Variants in NEK10 observed in about 807,000 individuals in gnomAD.
NEK10 encodes the protein serine/threonine-protein kinase Nek10.
Under a neutral mutation model 159.8 loss-of-function variants are expected in NEK10, and 122 were observed. The ratio of observed to expected loss-of-function variants is 0.76; its 90% CI spans 0.66 to 0.89. NEK10 has a LOEUF of 0.89. NEK10 is among the 40% of genes least tolerant of loss of function. The pLI, the probability that NEK10 is intolerant of heterozygous loss-of-function variation, is 0.00. For missense variants in NEK10, 1,342 were observed against 1,323.1 expected, an observed-to-expected ratio of 1.01 and a Z score of -0.22; for synonymous variants, 466 against 457.1, an observed-to-expected ratio of 1.02 and a Z score of -0.25.
Position 27,129,844 on chromosome 3 carries a change from A to G in NEK10, c.3081+2036T>C, listed in dbSNP as rs1484364146. Among the ~76,000 whole-genome samples, 3 of 152,252 alleles carry G rather than the reference A, an allele frequency of 2.0e-5. No homozygotes were observed. In the East Asian group the frequency reaches 5.8e-4, roughly 29 times the overall value. On this transcript the variant is annotated intron_variant, in intron 32 of 35. Coordinates refer to ENST00000691995, the MANE Select transcript of NEK10 (RefSeq NM_001394966.1). ...TACAGGTGAAAAAGTGGATTCACCCATAGAGAAAGGTAAGATTAATTCTGG... is the reference window on the plus strand; with the variant it reads ...TACAGGTGAAAAAGTGGATTCACCCGTAGAGAAAGGTAAGATTAATTCTGG...
At chr3:27,245,493 AG>A (rs895681359) in intron 23 of NEK10, among the ~76,000 whole-genome samples, 7 of 152,140 alleles carry the variant, frequency 4.6e-5, no homozygotes, top group Non-Finnish European at 1.0e-4. Flanking sequence ...TGTAAACGAA[AG>A]GCCACCTGAA....
intron 23 of NEK10, among the ~76,000 whole-genome samples, chr3:27,245,431 G>A (rs150880337): frequency 6.5e-4 from 99 of 152,180 alleles, no homozygotes; most frequent in East Asian, 1.5e-3. Flanking sequence ...AGCCCCAATC[G>A]GGCCTTGCAG....
At chr3:27,328,094 A>C (rs2046139775) in intron 5 of NEK10, among the ~76,000 whole-genome samples, 1 of 152,192 alleles carries the variant, frequency 6.6e-6, no homozygotes, top group Admixed American at 6.5e-5. Flanking sequence ...GAAACCCATC[A>C]AATGGATCAT....
chr3:27,153,690 C>A (rs912362371), intron 30 of NEK10, among the ~76,000 whole-genome samples: 2 of 152,154 alleles, frequency 1.3e-5, no homozygotes, highest in African/African-American at 4.8e-5. Context: ...AATTAAATAA[C>A]CTGCTCCTGA....
At chr3:27,247,718 G>A (rs1234564576) in intron 23 of NEK10, among the ~76,000 whole-genome samples, 6 of 151,732 alleles carry the variant, frequency 4.0e-5, no homozygotes, top group Admixed American at 6.6e-5. Flanking sequence ...TGCATTGTTA[G>A]TAGAGACAGG....
chr3:27,209,265 C>G (rs1240134065), intron 23 of NEK10, among the ~76,000 whole-genome samples: 1 of 152,150 alleles, frequency 6.6e-6, no homozygotes, highest in East Asian at 1.9e-4. Flanking sequence ...ATCTGGCAAT[C>G]CTAAATTGCA....
intron 23 of NEK10, among the ~76,000 whole-genome samples, chr3:27,243,828 T>TGG (rs1443969765): frequency 1.7e-4 from 15 of 88,782 alleles, no homozygotes; most frequent in Non-Finnish European, 2.9e-4. Context: ...ACTGACACCA[T>TGG]GGGTGTGTGT....
intron 32 of NEK10, among the ~76,000 whole-genome samples, chr3:27,123,818 A>G (rs1575399133): frequency 6.6e-6 from 1 of 152,002 alleles, no homozygotes; most frequent in Non-Finnish European, 1.5e-5. Context: ...CGAGAAGAAC[A>G]TTACAGGCAG....
At chr3:27,295,994 A>T (rs564853706) in intron 14 of NEK10, among the ~76,000 whole-genome samples, 1 of 152,324 alleles carries the variant, frequency 6.6e-6, no homozygotes, top group African/African-American at 2.4e-5. Context: ...GGGACAGAGT[A>T]AAGGTGTCCC....
chr3:27,357,869 G>A (rs970909304), intron 1 of NEK10, among the ~76,000 whole-genome samples: 22 of 152,234 alleles, frequency 1.4e-4, no homozygotes, highest in African/African-American at 1.9e-4. Context: ...AGGAGAGGGC[G>A]AGAGTGAGGC....
intron 33 of NEK10, among the ~76,000 whole-genome samples, chr3:27,116,617 T>G (rs929956469): frequency 3.3e-5 from 5 of 152,060 alleles, no homozygotes; most frequent in African/African-American, 1.2e-4. Context: ...AAAAATATAT[T>G]TATTGCCAGA....
chr3:27,154,766 C>G (rs1315998192), intron 30 of NEK10, among the ~76,000 whole-genome samples: 1 of 152,142 alleles, frequency 6.6e-6, no homozygotes, highest in Non-Finnish European at 1.5e-5. Context: ...GATTAAAACT[C>G]TCAGCAAAAT....
At chr3:27,287,858 C>A in intron 19 of NEK10, 115 bp from the exon 20 acceptor site, 1 of 1,101,862 alleles carries the variant, frequency 9.1e-7, no homozygotes. Context: ...TATTTATTTA[C>A]AAAACTAAGC....
chr3:27,347,408 A>C (rs910180658), intron 3 of NEK10, among the ~76,000 whole-genome samples: 2 of 147,858 alleles, frequency 1.4e-5, no homozygotes, highest in Admixed American at 6.8e-5. Context: ...AGGCTGAGGC[A>C]GGAGAATCAC....
At chr3:27,194,069 C>CCAGGATAG (rs1219538463) in intron 25 of NEK10, 1 of 151,884 alleles carries the variant, frequency 6.6e-6, no homozygotes, top group Non-Finnish European at 1.5e-5. Flanking sequence ...ACCAGAAGTT[C>CCAGGATAG]CAGGATAGTC....
chr3:27,198,756 C>A (rs1010462236), intron 25 of NEK10, among the ~76,000 whole-genome samples: 11 of 152,022 alleles, frequency 7.2e-5, no homozygotes, highest in Admixed American at 5.2e-4. Flanking sequence ...GATTTCATGA[C>A]AAAGATACCA....
intron 22 of NEK10, among the ~76,000 whole-genome samples, chr3:27,261,090 C>T (rs904039041): frequency 4.8e-4 from 73 of 151,940 alleles, no homozygotes; most frequent in Non-Finnish European, 6.9e-4. Flanking sequence ...TTTTTTATTG[C>T]GTCTATTTGA....
At chr3:27,237,132 A>G (rs1382069373) in intron 23 of NEK10, among the ~76,000 whole-genome samples, 1 of 152,170 alleles carries the variant, frequency 6.6e-6, no homozygotes, top group Non-Finnish European at 1.5e-5. Context: ...CTGCAAGAAG[A>G]AAAATATGGC....
At chr3:27,223,501 C>T (rs1339854161) in intron 23 of NEK10, among the ~76,000 whole-genome samples, 1 of 152,206 alleles carries the variant, frequency 6.6e-6, no homozygotes, top group African/African-American at 2.4e-5. Flanking sequence ...AAAAACAATT[C>T]TCAATACCTG....
Sources: allele counts gnomAD v4.1 joint callset (sites outside exome capture counted in the v4.1 genomes callset), GRCh38; gene constraint gnomAD v4.1.1; transcripts MANE v1.5; gene names NCBI Gene and HGNC (gene_info 2026-07-23, HGNC 2026-07-21).